Variants in KCNG2 observed in about 807,000 individuals in gnomAD.
The protein encoded by KCNG2 is potassium voltage-gated channel modifier subfamily G member 2.
KCNG2 carries 7 observed loss-of-function variants against 12.3 expected under a neutral mutation model. The observed-to-expected ratio is 0.57, with a 90% CI of 0.32 to 1.07. KCNG2 has a LOEUF of 1.07. KCNG2 is among the 50% of genes least tolerant of loss of function. The pLI, the probability that KCNG2 is intolerant of heterozygous loss-of-function variation, is 0.04. For missense variants in KCNG2, 703 were observed against 726.0 expected (o/e 0.97, Z 0.36); for synonymous variants, 414 against 351.4 (o/e 1.18, Z -1.99).
intron 3 of KCNG2, among the ~76,000 whole-genome samples, chr18:79,873,498 C>A (rs2123094698): frequency 6.7e-6 from 1 of 148,878 alleles, no homozygotes; most frequent in South Asian, 2.2e-4. Flanking sequence ...CTGAGCACAT[C>A]CAGCCTGCGC....
At chr18:79,897,694 TA>T (rs1981027832) in intron 3 of KCNG2, among the ~76,000 whole-genome samples, 1 of 152,200 alleles carries the variant, frequency 6.6e-6, no homozygotes, top group Non-Finnish European at 1.5e-5. Context: ...CAAGATATTC[TA>T]GCCCTTTTGG....
At chr18:79,845,416 T>A (rs1445311499) in intron 1 of KCNG2, among the ~76,000 whole-genome samples, 1 of 152,170 alleles carries the variant, frequency 6.6e-6, no homozygotes, top group African/African-American at 2.4e-5. Flanking sequence ...GAAAACTGAG[T>A]AAAGGGTGCA....
intron 1 of KCNG2, among the ~76,000 whole-genome samples, chr18:79,823,566 T>C (rs189875232): frequency 5.3e-4 from 81 of 152,336 alleles, no homozygotes; most frequent in Non-Finnish European, 9.4e-4. Context: ...TGCTTGAACA[T>C]GTTTTCCATA....
chr18:79,849,202 C>T (rs377493343), intron 1 of KCNG2, among the ~76,000 whole-genome samples: 3 of 152,328 alleles, frequency 2.0e-5, no homozygotes, highest in Middle Eastern at 3.4e-3. Context: ...CCTCAACCTC[C>T]ACAGCCTCCC....
intron 3 of KCNG2, among the ~76,000 whole-genome samples, chr18:79,895,660 CCATT>C (rs1252435612): frequency 2.0e-5 from 3 of 149,872 alleles, no homozygotes; most frequent in African/African-American, 7.4e-5. Flanking sequence ...GTTGTTCACT[CCATT>C]CACATCTAAT....
rs776467192 is a variant in KCNG2 at position 79,899,767 on chromosome 18, G to A, written c.1352G>A (p.Gly451Asp). 6.6e-7 allele frequency: 1 copy of A among 1,518,916 alleles called. No homozygotes were observed. The highest frequency in any genetic ancestry group is 1.3e-5 in the South Asian group (1 of 79,108). 94.1% of individuals were successfully genotyped at this position (1,518,916 alleles called of 1,614,324 possible). A position where few individuals can be genotyped will look rare whatever the true frequency, so the allele number is the denominator to read the frequency against. The stretch of plus-strand genomic sequence containing the variant: ...AGCTCGCAGGGCCCCGACAGCGCGG[G>A]CCTGGCCGACGACTCCGCGGATGCG... The part of the protein sequence containing the change: ...EDSSQGPDSA[G>D]LADDSADALW... The change falls in exon 4 of 4, where the codon GGC (glycine) becomes GAC (aspartate). Residue 451 changes from glycine to aspartate, a missense_variant. Gly to Asp is a moderately conservative substitution (Grantham distance 94). Transcript: ENST00000316249.
In KCNG2 at chr18:79,863,751, G is replaced by T; in HGVS notation, c.84G>T (p.Val28=). Residue 28 remains valine, a synonymous_variant, in exon 3 of 4, where the codon GTG becomes GTT. Coordinates refer to ENST00000316249, the MANE Select transcript of KCNG2 (RefSeq NM_012283.2). ...TCATCAACGTGGGCGGCTGCCGCGTGCGCCTGGCATGGGCCGCGCTGGCGC... is the reference window on the plus strand; with the variant it reads ...TCATCAACGTGGGCGGCTGCCGCGTTCGCCTGGCATGGGCCGCGCTGGCGC... ...HVIINVGGCR[V]RLAWAALARC... The T allele has an allele frequency of 8.3e-7, 1 of 1,207,490 alleles. No individual in the cohort carries two copies. 74.8% of individuals were successfully genotyped at this position (1,207,490 alleles called of 1,614,324 possible).
chr18:79,873,806 G>A (rs1307757485), intron 3 of KCNG2, among the ~76,000 whole-genome samples: 1 of 152,228 alleles, frequency 6.6e-6, no homozygotes, highest in Non-Finnish European at 1.5e-5. Context: ...GGAGGCGCCT[G>A]GGACTTGGCG....
intron 3 of KCNG2, among the ~76,000 whole-genome samples, chr18:79,864,713 G>A (rs962864582): frequency 1.3e-5 from 2 of 152,244 alleles, no homozygotes; most frequent in Non-Finnish European, 2.9e-5. Flanking sequence ...TTTCAGGGCT[G>A]GAGGACAGTG....
At chr18:79,811,122 G>A (rs2087491360) in intron 1 of KCNG2, among the ~76,000 whole-genome samples, 1 of 152,186 alleles carries the variant, frequency 6.6e-6, no homozygotes, top group Non-Finnish European at 1.5e-5. Context: ...TCACGGATAG[G>A]AAGACTTAAC....
chr18:79,839,923 C>T (rs1978409800), intron 1 of KCNG2, among the ~76,000 whole-genome samples: 1 of 152,046 alleles, frequency 6.6e-6, no homozygotes, highest in Non-Finnish European at 1.5e-5. Flanking sequence ...TAAATAACAC[C>T]TCTTTTGATA....
At chr18:79,867,946 A>T (rs1347578763) in intron 3 of KCNG2, among the ~76,000 whole-genome samples, 2 of 152,100 alleles carry the variant, frequency 1.3e-5, no homozygotes, top group South Asian at 4.1e-4. Context: ...CCGAGTGCCA[A>T]TCTGACTTAA....
At chr18:79,894,993 A>G (rs900558858) in intron 3 of KCNG2, among the ~76,000 whole-genome samples, 2 of 150,852 alleles carry the variant, frequency 1.3e-5, no homozygotes, top group Non-Finnish European at 3.0e-5. Context: ...TGGGTTGTTC[A>G]CTCCATTCAC....
chr18:79,871,860 C>T (rs976503706), intron 3 of KCNG2, among the ~76,000 whole-genome samples: 3 of 152,224 alleles, frequency 2.0e-5, no homozygotes, highest in East Asian at 1.9e-4. Context: ...CAGTCAGCAG[C>T]GTCTGCCACT....
At chr18:79,825,889 GTTTC>G (rs1342659582) in intron 1 of KCNG2, among the ~76,000 whole-genome samples, 2 of 152,372 alleles carry the variant, frequency 1.3e-5, no homozygotes, top group East Asian at 1.9e-4. Context: ...CCTTCCGGAA[GTTTC>G]TTTATGCGTC....
chr18:79,807,350 C>T (rs905407557), intron 1 of KCNG2, among the ~76,000 whole-genome samples: 2 of 152,218 alleles, frequency 1.3e-5, no homozygotes, highest in African/African-American at 4.8e-5. Flanking sequence ...TGCCGACGCT[C>T]TCTGCATCTG....
At chr18:79,854,731 T>C (rs778015231) in intron 1 of KCNG2, among the ~76,000 whole-genome samples, 12 of 152,158 alleles carry the variant, frequency 7.9e-5, no homozygotes, top group Admixed American at 2.0e-4. Flanking sequence ...TTCACCGTGG[T>C]CTTGATCTCC....
intron 1 of KCNG2, among the ~76,000 whole-genome samples, chr18:79,798,385 A>ATCCC (rs2087380335): frequency 6.6e-6 from 1 of 151,640 alleles, no homozygotes; most frequent in Non-Finnish European, 1.5e-5. Flanking sequence ...GTCCTGCGGG[A>ATCCC]GCCCGGGTGA....
At chr18:79,879,842 C>G (rs550417975) in intron 3 of KCNG2, among the ~76,000 whole-genome samples, 2 of 152,258 alleles carry the variant, frequency 1.3e-5, no homozygotes, top group South Asian at 4.1e-4. Context: ...ATTCTAAAAG[C>G]TTCCATGGTG....
Sources: allele counts gnomAD v4.1 joint callset (sites outside exome capture counted in the v4.1 genomes callset), GRCh38; gene constraint gnomAD v4.1.1; transcripts MANE v1.5; gene names NCBI Gene and HGNC (gene_info 2026-07-23, HGNC 2026-07-21).